SLC12A1: variants seen among roughly 807,000 people sequenced by gnomAD.
SLC12A1 encodes solute carrier family 12 member 1.
Under a neutral mutation model 130.4 loss-of-function variants are expected in SLC12A1, and 89 were observed. The ratio of observed to expected loss-of-function variants is 0.68; its 90% CI spans 0.58 to 0.81. SLC12A1 has a LOEUF of 0.81. Among genes scored for constraint, SLC12A1 ranks in the 40% least tolerant of loss-of-function variants. The pLI is 0.00. For synonymous variants in SLC12A1, 499 were observed against 460.0 expected (o/e 1.08, Z -1.09); for missense variants, 1,310 against 1,336.4 (o/e 0.98, Z 0.31).
rs2042125438 is a variant in SLC12A1 at position 48,291,881 on chromosome 15, AAG to A, written c.2960+21_2960+22del. 2 of 1,444,144 alleles carry A rather than the reference AAG, an allele frequency of 1.4e-6. No homozygotes were observed. The highest frequency in any genetic ancestry group is 2.4e-5 in the East Asian group (1 of 41,372). The allele number at this position is 1,444,144 out of a possible 1,614,324, so 89.5% of individuals were successfully genotyped here. A position where few individuals can be genotyped will look rare whatever the true frequency, so the allele number is the denominator to read the frequency against. ...CAAAGAGAGGTATGAAATATTTAAC[AAG>A]AGACATTGATTACCCATGGTACTCT... On this transcript the variant is annotated intron_variant, in intron 24 of 26. Coordinates refer to ENST00000380993, the MANE Select transcript of SLC12A1 (RefSeq NM_000338.3).
intron 10 of SLC12A1, among the ~76,000 whole-genome samples, chr15:48,243,163 A>G (rs185531442): frequency 6.6e-6 from 1 of 152,114 alleles, no homozygotes; most frequent in Admixed American, 6.5e-5. Context: ...TCTGTTATGC[A>G]GAGGTTAAAA....
At chr15:48,255,755 T>C in intron 15 of SLC12A1, 56 bp from the exon 16 acceptor site, 2 of 1,069,748 alleles carry the variant, frequency 1.9e-6, no homozygotes, top group South Asian at 1.4e-5. Flanking sequence ...AAATTATTCA[T>C]GGTGCACAGA....
intron 3 of SLC12A1, 52 bp from the exon 4 acceptor site, chr15:48,220,869 T>C (rs2041203745): frequency 6.2e-7 from 1 of 1,611,400 alleles, no homozygotes; most frequent in East Asian, 2.2e-5. Context: ...GCCCCGGGTT[T>C]TGTCCCACTA....
chr15:48,223,599 T>C (rs2141022578), intron 4 of SLC12A1: 1 of 152,328 alleles, frequency 6.6e-6, no homozygotes, highest in South Asian at 2.1e-4. Context: ...ATAATAAGGT[T>C]GGAGTAGGTT....
At chr15:48,282,395 A>G (rs925136697) in intron 20 of SLC12A1, among the ~76,000 whole-genome samples, 9 of 152,174 alleles carry the variant, frequency 5.9e-5, no homozygotes, top group Admixed American at 5.2e-4. Context: ...ACTCCATTAC[A>G]AAAGAGGATT....
At chr15:48,291,247 C>CAT (rs57727253) in intron 23 of SLC12A1, among the ~76,000 whole-genome samples, 9,073 of 147,212 alleles carry the variant, frequency 0.062, 328 homozygotes, top group East Asian at 0.11. Context: ...AGGAAAAAAC[C>CAT]ATATATATAT....
chr15:48,288,026 T>C lies in SLC12A1; in HGVS notation c.2630-17T>C. 6.2e-7 allele frequency: 1 copy of C among 1,605,514 alleles called. No homozygotes were observed. Among genetic ancestry groups the C allele is most frequent in the South Asian group, 1.1e-5 (1 of 88,830 alleles). On this transcript the variant is annotated splice_polypyrimidine_tract_variant and intron_variant, in intron 21 of 26. Coordinates refer to ENST00000380993, the MANE Select transcript of SLC12A1 (RefSeq NM_000338.3). ...CCTCAAAAGCAAACAGATGCATCAA[T>C]TCCTCTTTCGTTTCAGATGGCAGCA...
intron 17 of SLC12A1, among the ~76,000 whole-genome samples, chr15:48,265,105 A>G (rs1220770899): frequency 6.6e-6 from 1 of 152,092 alleles, no homozygotes; most frequent in African/African-American, 2.4e-5. Context: ...TCTCTTTGCT[A>G]GTTTGCTTTA....
intron 24 of SLC12A1, among the ~76,000 whole-genome samples, chr15:48,297,494 CA>C (rs2042189842): frequency 6.6e-6 from 1 of 152,242 alleles, no homozygotes; most frequent in African/African-American, 2.4e-5. Flanking sequence ...ACTGGGGAGA[CA>C]ACCAGCAACC....
intron 20 of SLC12A1, among the ~76,000 whole-genome samples, chr15:48,280,541 CTCTA>C (rs1372023996): frequency 1.3e-5 from 2 of 152,122 alleles, no homozygotes; most frequent in East Asian, 1.9e-4. Flanking sequence ...ATATCTCGAT[CTCTA>C]TCTATCTATC....
intron 20 of SLC12A1, among the ~76,000 whole-genome samples, chr15:48,282,021 T>C (rs2042013224): frequency 6.6e-6 from 1 of 152,138 alleles, no homozygotes; most frequent in African/African-American, 2.4e-5. Context: ...CACTTCTGTT[T>C]AGTGTTGAAA....
intron 16 of SLC12A1, among the ~76,000 whole-genome samples, chr15:48,258,696 A>AAT (rs2041737268): frequency 3.9e-5 from 6 of 152,272 alleles, no homozygotes; most frequent in Non-Finnish European, 8.8e-5. Context: ...CCACTCTACC[A>AAT]GTACGAATTT....
Position 48,288,043 on chromosome 15 carries a change from A to G in SLC12A1, c.2630A>G (p.Asp877Gly). The G allele has an allele frequency of 6.2e-7, 1 of 1,607,730 alleles. No individual in the cohort carries two copies. Among genetic ancestry groups the G allele is most frequent in the Admixed American group, 1.7e-5 (1 of 59,230 alleles). ...LNITKTTPKKDGSINTSQSMH... is the reference protein window; with the variant it reads ...LNITKTTPKKGGSINTSQSMH... The stretch of plus-strand genomic sequence containing the variant: ...TGCATCAATTCCTCTTTCGTTTCAG[A>G]TGGCAGCATTAACACAAGCCAGTCG... The change falls in exon 22 of 27, where the codon GAT (aspartate) becomes GGT (glycine). Residue 877 changes from aspartate to glycine, a missense_variant and splice_region_variant. Coordinates refer to ENST00000380993, the MANE Select transcript of SLC12A1 (RefSeq NM_000338.3).
chr15:48,294,899 T>TTTTATTTTATTTATTTATTTATTTA (rs1555387190), intron 24 of SLC12A1, among the ~76,000 whole-genome samples: 16 of 147,354 alleles, frequency 1.1e-4, no homozygotes, highest in African/African-American at 4.1e-4. Context: ...CTTCTTTTTA[T>TTTTATTTTATTTATTTATTTATTTA]TTTATTTATT....
chr15:48,240,254 G>A (rs1297661686), intron 9 of SLC12A1, among the ~76,000 whole-genome samples: 1 of 151,450 alleles, frequency 6.6e-6, no homozygotes, highest in East Asian at 1.9e-4. Flanking sequence ...ATGAATTAGG[G>A]GATTCAGTAG....
chr15:48,246,020 A>G (rs2041575698), intron 11 of SLC12A1, among the ~76,000 whole-genome samples: 1 of 152,236 alleles, frequency 6.6e-6, no homozygotes, highest in Non-Finnish European at 1.5e-5. Context: ...TGTCTGCATG[A>G]TTGGTGAGCA....
intron 15 of SLC12A1, among the ~76,000 whole-genome samples, chr15:48,252,827 A>T (rs1441776004): frequency 6.6e-6 from 1 of 152,170 alleles, no homozygotes; most frequent in Admixed American, 6.5e-5. Flanking sequence ...CATATTTGGG[A>T]AGGCTCAAGG....
chr15:48,235,241 A>C (rs1597414796), intron 9 of SLC12A1: 2 of 523,352 alleles, frequency 3.8e-6, no homozygotes, highest in Admixed American at 3.2e-5. Context: ...GTAGTGTGAT[A>C]GTGTGTCATA....
intron 4 of SLC12A1, chr15:48,221,496 A>G (rs2141019625): frequency 1.5e-6 from 1 of 650,136 alleles, no homozygotes; most frequent in East Asian, 2.7e-5. Flanking sequence ...GTAAGAAAAC[A>G]AAGGTTAATC....
Sources: allele counts gnomAD v4.1 joint callset (sites outside exome capture counted in the v4.1 genomes callset), GRCh38; gene constraint gnomAD v4.1.1; transcripts MANE v1.5; gene names NCBI Gene and HGNC (gene_info 2026-07-23, HGNC 2026-07-21).